The following TBCD variants were observed in gnomAD, a reference collection of about 807,000 sequenced individuals.
TBCD encodes tubulin-specific chaperone D.
A neutral mutation model predicts 169.3 loss-of-function variants in TBCD; 105 were observed. The observed-to-expected ratio is 0.62, with a 90% CI of 0.53 to 0.73. The LOEUF (loss-of-function observed/expected upper bound fraction) is 0.73, where lower values mean the gene tolerates loss of function less well. Among genes scored for constraint, TBCD ranks in the 30% least tolerant of loss-of-function variants. The pLI is 0.00. For synonymous variants in TBCD, 700 were observed against 643.9 expected (o/e 1.09, Z -1.32); for missense variants, 1,444 against 1,600.1 (o/e 0.90, Z 1.66).
At chr17:82,818,556 A>G (rs1354113549) in intron 13 of TBCD, among the ~76,000 whole-genome samples, 1 of 152,196 alleles carries the variant, frequency 6.6e-6, no homozygotes, top group African/African-American at 2.4e-5. Flanking sequence ...ACTTGAGCCT[A>G]GGAATTTGAT....
At chr17:82,850,191 C>T (rs1419141276) in intron 13 of TBCD, among the ~76,000 whole-genome samples, 12 of 52,392 alleles carry the variant, frequency 2.3e-4, no homozygotes, top group African/African-American at 5.5e-4. Flanking sequence ...GGCTGTGCTG[C>T]TGTTGGCTGT....
chr17:82,829,158 C>T (rs878927849), intron 13 of TBCD, among the ~76,000 whole-genome samples: 7 of 152,068 alleles, frequency 4.6e-5, no homozygotes, highest in East Asian at 1.9e-4. Context: ...TGCACACACC[C>T]GCAGAGATGC....
In TBCD at chr17:82,878,494, C is replaced by A. The variant is rs528793850; in HGVS notation, c.1476-5651C>A. 1.4e-3 allele frequency among the ~76,000 whole-genome samples: 180 copies of A among 126,022 alleles called. 1 individual carries two copies. The highest frequency in any genetic ancestry group is 2.8e-3 in the Admixed American group (34 of 12,036). 82.7% of individuals were successfully genotyped at this position (126,022 alleles called of 152,430 possible). A position where few individuals can be genotyped will look rare whatever the true frequency, so the allele number is the denominator to read the frequency against. Reference sequence around the variant, plus strand: ...ACTGGCCAGATGTTCTGTAGGACGCCCCTCTCTCTGATGCTTTCTCGTGTG... The same window carrying A: ...ACTGGCCAGATGTTCTGTAGGACGCACCTCTCTCTGATGCTTTCTCGTGTG... On this transcript the variant is annotated intron_variant, in intron 14 of 38. Transcript: ENST00000355528.
In TBCD at chr17:82,942,854, C is replaced by T. The variant is rs1053186670; in HGVS notation, c.*391C>T. The T allele has an allele frequency of 7.0e-5, 21 of 299,230 alleles. No homozygotes were observed. Among genetic ancestry groups the T allele is most frequent in the South Asian group, 2.4e-4 (5 of 20,670 alleles). The allele number at this position is 299,230 out of a possible 1,614,324, so 18.5% of individuals were successfully genotyped here. Reference sequence around the variant, plus strand: ...CTGGTGCTGTCCCTGCTGTGGGAGACGTCTGGCCACAGGCAGTGCCCCACC... The same window carrying T: ...CTGGTGCTGTCCCTGCTGTGGGAGATGTCTGGCCACAGGCAGTGCCCCACC... On this transcript the variant is annotated 3_prime_UTR_variant, in exon 39 of 39. Coordinates refer to ENST00000355528, the MANE Select transcript of TBCD (RefSeq NM_005993.5).
chr17:82,934,124 T>C (rs1043179977), intron 34 of TBCD, among the ~76,000 whole-genome samples: 14 of 152,354 alleles, frequency 9.2e-5, no homozygotes, highest in Non-Finnish European at 1.6e-4. Flanking sequence ...AGGTTAGTCC[T>C]CAGCGGCCCC....
chr17:82,830,014 TG>T, intron 13 of TBCD: 2 of 1,438,650 alleles, frequency 1.4e-6, no homozygotes, highest in Non-Finnish European at 9.5e-7. Context: ...TTTGTTTGTT[TG>T]TTTTTTTGAG....
chr17:82,898,503 T>G (rs1241418187), intron 17 of TBCD, among the ~76,000 whole-genome samples: 1 of 152,154 alleles, frequency 6.6e-6, no homozygotes, highest in Non-Finnish European at 1.5e-5. Context: ...CCGCTTCAAG[T>G]GGTTGAAGTG....
At chr17:82,929,599 C>G in intron 32 of TBCD, 99 bp downstream of exon 32, 1 of 1,488,068 alleles carries the variant, frequency 6.7e-7, no homozygotes, top group African/African-American at 1.4e-5. Flanking sequence ...GCCTTTTCTT[C>G]CATTGCTTTC....
rs1291925045 is a variant in TBCD at position 82,944,962 on chromosome 17, C to T, written c.*2499C>T. ...TCCCCTGAAGTGGCCTGAATTAATACTACCTGTATGATCCCCAAAACTCCT... is the reference window on the plus strand; with the variant it reads ...TCCCCTGAAGTGGCCTGAATTAATATTACCTGTATGATCCCCAAAACTCCT... On this transcript the variant is annotated 3_prime_UTR_variant, in exon 39 of 39. Transcript: ENST00000355528. 3 of 152,238 alleles carry T rather than the reference C, an allele frequency of 2.0e-5. No individual in the cohort carries two copies. The highest frequency in any genetic ancestry group is 4.4e-5 in the Non-Finnish European group (3 of 68,040). The allele number at this position is 152,238 out of a possible 1,614,324, so 9.4% of individuals were successfully genotyped here.
intron 14 of TBCD, among the ~76,000 whole-genome samples, chr17:82,871,957 C>A (rs1161429074): frequency 6.7e-6 from 1 of 149,852 alleles, no homozygotes; most frequent in African/African-American, 2.5e-5. Flanking sequence ...TTGTGAGGCA[C>A]ACGCTGGTGT....
At chr17:82,803,041 T>C (rs974213937) in intron 9 of TBCD, among the ~76,000 whole-genome samples, 1 of 152,218 alleles carries the variant, frequency 6.6e-6, no homozygotes, top group Admixed American at 6.5e-5. Context: ...ATTTCTAACT[T>C]TTTTCCATTT....
At position 82,924,927 on chromosome 17, in the gene TBCD, G is replaced by A. The variant is rs2061629104; in HGVS notation, c.2261-12G>A. On this transcript the variant is annotated splice_polypyrimidine_tract_variant and intron_variant, in intron 26 of 38. Transcript: ENST00000355528. ...CAGAGGGCCTCTCTTCACACTCGTT[G>A]CTTCCTTTCAGAGGAGCTGATCACG... 2 of 1,553,368 alleles carry A rather than the reference G, an allele frequency of 1.3e-6. No homozygotes were observed. Among genetic ancestry groups the A allele is most frequent in the Non-Finnish European group, 1.7e-6 (2 of 1,147,262 alleles).
At chr17:82,854,650 G>A (rs966752201) in intron 13 of TBCD, among the ~76,000 whole-genome samples, 2 of 152,198 alleles carry the variant, frequency 1.3e-5, no homozygotes, top group African/African-American at 2.4e-5. Flanking sequence ...TTTGCATGTC[G>A]CACAGAAAGT....
At chr17:82,784,403 G>A (rs2049158349) in intron 7 of TBCD, among the ~76,000 whole-genome samples, 1 of 152,102 alleles carries the variant, frequency 6.6e-6, no homozygotes, top group South Asian at 2.1e-4. Context: ...TGCCTAAAGA[G>A]GATTCATTGC....
Position 82,805,969 on chromosome 17 carries a change from G to T in TBCD, c.1045G>T (p.Asp349Tyr). Reference protein sequence around the residue: ...QKPLILTEDDDEDDDVPEGVE... With the variant: ...QKPLILTEDDYEDDDVPEGVE... ...GCCACTCATCCTGACCGAAGATGAC[G>T]ACGAAGATGACGACGTCCCAGAGGG... is the stretch of plus-strand genomic sequence containing the variant. The change falls in exon 10 of 39, where the codon GAC becomes TAC. Residue 349 changes from aspartate to tyrosine, a missense_variant. By Grantham distance (160) the Asp-to-Tyr change is radical. Transcript: ENST00000355528. The T allele has an allele frequency of 6.2e-7, 1 of 1,613,530 alleles. No individual in the cohort carries two copies. The highest frequency in any genetic ancestry group is 8.5e-7 in the Non-Finnish European group (1 of 1,179,706).
chr17:82,788,637 C>T (rs894493523), intron 7 of TBCD, among the ~76,000 whole-genome samples: 7 of 152,302 alleles, frequency 4.6e-5, no homozygotes, highest in South Asian at 2.1e-4. Flanking sequence ...TCCCAGCTCC[C>T]GCTCGGCCCT....
intron 13 of TBCD, among the ~76,000 whole-genome samples, chr17:82,827,020 T>C (rs1029097417): frequency 6.6e-6 from 1 of 152,172 alleles, no homozygotes; most frequent in Non-Finnish European, 1.5e-5. Context: ...ATCCATCCGC[T>C]TTGGCCTCTC....
intron 13 of TBCD, among the ~76,000 whole-genome samples, chr17:82,827,450 T>G (rs2052954775): frequency 6.6e-6 from 1 of 152,180 alleles, no homozygotes. Context: ...GGGCTGAGGC[T>G]CCGGAAGTCT....
chr17:82,813,763 C>T (rs1217953479), intron 12 of TBCD, among the ~76,000 whole-genome samples: 1 of 152,220 alleles, frequency 6.6e-6, no homozygotes, highest in Non-Finnish European at 1.5e-5. Context: ...GCTCACGGAG[C>T]CTCTGGGCAG....
Sources: gnomAD v4.1 joint callset for allele counts (sites outside exome capture counted in the v4.1 genomes callset) on GRCh38, gnomAD v4.1.1 for gene constraint, MANE v1.5 for transcripts, NCBI Gene and HGNC (gene_info 2026-07-23, HGNC 2026-07-21) for gene names.